SORCS3: variants seen among roughly 807,000 people sequenced by gnomAD.
The protein encoded by SORCS3 is VPS10 domain-containing receptor SorCS3.
A neutral mutation model predicts 146.3 loss-of-function variants in SORCS3; 57 were observed. That is an observed-to-expected ratio of 0.39 (90% CI 0.31 to 0.49). The LOEUF (loss-of-function observed/expected upper bound fraction) is 0.49. SORCS3 is among the 20% of genes least tolerant of loss of function. The pLI is 0.92. For missense variants in SORCS3, 1,341 were observed against 1,575.5 expected, an observed-to-expected ratio of 0.85 and a Z score of 2.52; for synonymous variants, 653 against 618.5, an observed-to-expected ratio of 1.06 and a Z score of -0.83.
chr10:104,788,791 A>G (rs2017465793), intron 1 of SORCS3, among the ~76,000 whole-genome samples: 1 of 152,124 alleles, frequency 6.6e-6, no homozygotes, highest in Non-Finnish European at 1.5e-5. Flanking sequence ...GTCTCCAGGA[A>G]CTCTCATTAT....
chr10:104,724,438 C>T (rs1280164175), intron 1 of SORCS3, among the ~76,000 whole-genome samples: 2 of 152,134 alleles, frequency 1.3e-5, no homozygotes, highest in Non-Finnish European at 2.9e-5. Context: ...TTTGGTGAAT[C>T]TGACAATTAT....
chr10:104,798,836 C>A (rs937420691), intron 1 of SORCS3, among the ~76,000 whole-genome samples: 38 of 151,856 alleles, frequency 2.5e-4, no homozygotes, highest in Non-Finnish European at 4.9e-4. Context: ...CTACAAAGAG[C>A]TTAAACAAAT....
At chr10:105,062,746 G>A (rs2055496422) in intron 5 of SORCS3, among the ~76,000 whole-genome samples, 1 of 152,194 alleles carries the variant, frequency 6.6e-6, no homozygotes, top group Non-Finnish European at 1.5e-5. Flanking sequence ...ATTCCTTTCT[G>A]TACTGAACCC....
At chr10:104,988,594 G>A (rs2054975538) in intron 4 of SORCS3, among the ~76,000 whole-genome samples, 2 of 152,158 alleles carry the variant, frequency 1.3e-5, no homozygotes, top group South Asian at 4.1e-4. Context: ...AAACCAAGGT[G>A]TTTGTCATTT....
chr10:104,836,274 C>T (rs959392547), intron 1 of SORCS3, among the ~76,000 whole-genome samples: 6 of 152,158 alleles, frequency 3.9e-5, no homozygotes, highest in Admixed American at 6.5e-5. Context: ...AGTTCCAATA[C>T]GGATAATCTT....
At chr10:104,717,422 G>A (rs1026517964) in intron 1 of SORCS3, among the ~76,000 whole-genome samples, 1 of 151,862 alleles carries the variant, frequency 6.6e-6, no homozygotes, top group Non-Finnish European at 1.5e-5. Context: ...CCTACTCAGA[G>A]CATTATTTCT....
intron 1 of SORCS3, among the ~76,000 whole-genome samples, chr10:104,707,648 C>T (rs1164895501): frequency 1.3e-5 from 2 of 152,284 alleles, no homozygotes; most frequent in Middle Eastern, 3.4e-3. Flanking sequence ...TGAATATCAA[C>T]GATGAGATCC....
chr10:105,101,270 G>A (rs188253988), intron 6 of SORCS3, among the ~76,000 whole-genome samples: 25 of 152,262 alleles, frequency 1.6e-4, no homozygotes, highest in African/African-American at 5.1e-4. Flanking sequence ...AGGTTTGAAC[G>A]AAATGATATT....
intron 14 of SORCS3, among the ~76,000 whole-genome samples, chr10:105,182,453 A>G (rs555059697): frequency 6.6e-6 from 1 of 152,146 alleles, no homozygotes; most frequent in African/African-American, 2.4e-5. Flanking sequence ...AAAGGAAGGT[A>G]CTATAATTCT....
At position 104,785,035 on chromosome 10, in the gene SORCS3, G is replaced by A. The variant is rs1038166587; in HGVS notation, c.628-57757G>A. Among the ~76,000 whole-genome samples the A allele has an allele frequency of 2.3e-3, 350 of 151,934 alleles. 1 individual carries two copies. Among genetic ancestry groups the A allele is most frequent in the African/African-American group, 7.9e-3 (326 of 41,438 alleles). ...CCAGTAGGGGCGGCCGGGCAGAGGC[G>A]CCCCTCACCTCCCGGATGGGGCGGC... On this transcript the variant is annotated intron_variant, in intron 1 of 26. Transcript: ENST00000369701.
chr10:104,736,929 C>A (rs911675515), intron 1 of SORCS3, among the ~76,000 whole-genome samples: 1 of 152,128 alleles, frequency 6.6e-6, no homozygotes, highest in Non-Finnish European at 1.5e-5. Flanking sequence ...CATCCCTCCC[C>A]CTTCCCCCAC....
chr10:105,086,192 C>T (rs1022367262), intron 5 of SORCS3, among the ~76,000 whole-genome samples: 13 of 152,168 alleles, frequency 8.5e-5, no homozygotes, highest in African/African-American at 1.2e-4. Context: ...TACTGGATCA[C>T]GTGACATTCC....
intron 1 of SORCS3, among the ~76,000 whole-genome samples, chr10:104,831,381 G>A (rs2017998939): frequency 6.6e-6 from 1 of 152,186 alleles, no homozygotes; most frequent in South Asian, 2.1e-4. Flanking sequence ...CTATTTATCT[G>A]TTTTGCCCTG....
intron 1 of SORCS3, among the ~76,000 whole-genome samples, chr10:104,677,773 C>G (rs2015928103): frequency 6.6e-6 from 1 of 152,080 alleles, no homozygotes; most frequent in Admixed American, 6.6e-5. Context: ...ACCCCAGTAG[C>G]CAGTTGTTTC....
At chr10:105,162,281 G>A (rs2119512218) in intron 11 of SORCS3, among the ~76,000 whole-genome samples, 1 of 152,336 alleles carries the variant, frequency 6.6e-6, no homozygotes, top group South Asian at 2.1e-4. Flanking sequence ...CAGCAAAGCT[G>A]TTGGTGAGAA....
intron 1 of SORCS3, among the ~76,000 whole-genome samples, chr10:104,667,733 G>A (rs2015799251): frequency 6.6e-6 from 1 of 152,202 alleles, no homozygotes; most frequent in South Asian, 2.1e-4. Flanking sequence ...GTCGTTGTTT[G>A]CATAGGTTCA....
intron 5 of SORCS3, among the ~76,000 whole-genome samples, chr10:105,046,290 G>A (rs2055371054): frequency 6.6e-6 from 1 of 152,094 alleles, no homozygotes. Context: ...GTGATTCATA[G>A]CTTTGCTCCT....
chr10:104,655,247 C>A (rs1227142290), intron 1 of SORCS3, among the ~76,000 whole-genome samples: 306 of 133,084 alleles, frequency 2.3e-3, no homozygotes, highest in African/African-American at 2.7e-3. Flanking sequence ...AGCTCCGTCT[C>A]AAAAAAAAAA....
chr10:105,094,661 C>T (rs2055733479), intron 6 of SORCS3, among the ~76,000 whole-genome samples: 1 of 152,190 alleles, frequency 6.6e-6, no homozygotes. Context: ...CTGACAAGGA[C>T]TTTAATGGAG....
Sources: gnomAD v4.1 joint callset for allele counts (sites outside exome capture counted in the v4.1 genomes callset) on GRCh38, gnomAD v4.1.1 for gene constraint, MANE v1.5 for transcripts, NCBI Gene and HGNC (gene_info 2026-07-23, HGNC 2026-07-21) for gene names.